TNFSF9: variants seen among roughly 807,000 people sequenced by gnomAD.
TNFSF9 encodes the protein tumor necrosis factor ligand superfamily member 9.
A neutral mutation model predicts 10.3 loss-of-function variants in TNFSF9; 10 were observed. The observed-to-expected ratio is 0.97, with a 90% CI of 0.60 to 1.65. The LOEUF (loss-of-function observed/expected upper bound fraction) is 1.65, where lower values mean the gene tolerates loss of function less well. TNFSF9 is among the 40% of genes most tolerant of loss of function. TNFSF9 has a pLI of 0.00. For synonymous variants in TNFSF9, 195 were observed against 176.1 expected, an observed-to-expected ratio of 1.11 and a Z score of -0.85; for missense variants, 361 against 348.9, an observed-to-expected ratio of 1.03 and a Z score of -0.28.
In TNFSF9 at chr19:6,531,258, C is replaced by T. The variant is rs779016405; in HGVS notation, c.222C>T (p.Pro74=). The part of the protein sequence containing the change: ...SAASPRLREG[P]ELSPDDPAGL... ...CCAGCCCGAGACTCCGCGAGGGTCC[C>T]GAGCTTTCGCCCGACGATCCCGCCG... Residue 74 remains proline, a synonymous_variant, in exon 1 of 3, where the codon CCC becomes CCT. Transcript: ENST00000245817. The T allele has an allele frequency of 1.3e-4, 198 of 1,516,656 alleles. No homozygotes were observed. The East Asian group carries it at 1.3e-3, about 10-fold the overall frequency. The allele number at this position is 1,516,656 out of a possible 1,614,324, so 93.9% of individuals were successfully genotyped here.
chr19:6,532,968 G>C lies in TNFSF9; in HGVS notation c.298+152G>C, dbSNP rs1316772260. 6 of 1,102,992 alleles carry C rather than the reference G, an allele frequency of 5.4e-6. No individual in the cohort carries two copies. In the Admixed American group the frequency reaches 9.9e-5, roughly 18 times the overall value. 68.3% of individuals were successfully genotyped at this position (1,102,992 alleles called of 1,614,324 possible). On this transcript the variant is annotated intron_variant, in intron 2 of 2. Transcript: ENST00000245817. ...CTGAAAGCTGCTACTTCCCCTCTTTGAACGCCACCGATCCCTCTTTCTGAC... is the reference window on the plus strand; with the variant it reads ...CTGAAAGCTGCTACTTCCCCTCTTTCAACGCCACCGATCCCTCTTTCTGAC...
chr19:6,534,905 C>G lies in TNFSF9; in HGVS notation c.604C>G (p.Arg202Gly). 6.2e-7 allele frequency: 1 copy of G among 1,608,350 alleles called. No homozygotes were observed. Among genetic ancestry groups the G allele is most frequent in the Non-Finnish European group, 8.5e-7 (1 of 1,179,210 alleles). ...GAACTCGGCCTTCGGTTTCCAGGGC[C>G]GCTTGCTGCACCTGAGTGCCGGCCA... The part of the protein sequence containing the change: ...ARNSAFGFQG[R>G]LLHLSAGQRL... Residue 202 changes from arginine (R) to glycine (G), a missense_variant, in exon 3 of 3, where the codon CGC becomes GGC. Coordinates refer to ENST00000245817, the MANE Select transcript of TNFSF9 (RefSeq NM_003811.4).
intron 1 of TNFSF9, 130 bp from the exon 2 acceptor site, chr19:6,532,656 G>C: frequency 1.6e-6 from 2 of 1,218,022 alleles, no homozygotes; most frequent in Non-Finnish European, 2.4e-6. Flanking sequence ...TCTTTAGTTG[G>C]GAGGGAAGGG....
intron 1 of TNFSF9, among the ~76,000 whole-genome samples, chr19:6,532,177 AC>A (rs1915159624): frequency 6.6e-6 from 1 of 151,912 alleles, no homozygotes; most frequent in Non-Finnish European, 1.5e-5. Context: ...CCAGGGGAAT[AC>A]CCCCAAGGGG....
rs879125171 is a variant in TNFSF9, at chr19:6,535,079, G to T, written c.*13G>T. 2.0e-6 allele frequency: 3 copies of T among 1,529,242 alleles called. No homozygotes were observed. In the South Asian group the frequency reaches 3.9e-5, roughly 20 times the overall value. 94.7% of individuals were successfully genotyped at this position (1,529,242 alleles called of 1,614,324 possible). ...GAGGTCGGAATAACGTCCAGCCTGG[G>T]TGCAGCCCACCTGGACAGAGTCCGA... On this transcript the variant is annotated 3_prime_UTR_variant, in exon 3 of 3. Coordinates refer to ENST00000245817, the MANE Select transcript of TNFSF9 (RefSeq NM_003811.4).
In TNFSF9 at chr19:6,531,453, C is replaced by T. The variant is rs866392883; in HGVS notation, c.267+150C>T. 77 of 1,182,334 alleles carry T rather than the reference C, an allele frequency of 6.5e-5. No homozygotes were observed. The African/African-American group carries it at 1.2e-3, about 19-fold the overall frequency. The allele number at this position is 1,182,334 out of a possible 1,614,324, so 73.2% of individuals were successfully genotyped here. A position where few individuals can be genotyped will look rare whatever the true frequency, so the allele number is the denominator to read the frequency against. The stretch of plus-strand genomic sequence containing the variant: ...ACCCACCGGGGCTCCCATTCTCCAT[C>T]TAGCACCGAGGCCGGGGGGGCACAC... On this transcript the variant is annotated intron_variant, in intron 1 of 2. Coordinates refer to ENST00000245817, the MANE Select transcript of TNFSF9 (RefSeq NM_003811.4).
At chr19:6,532,978 G>C (rs1175208106) in intron 2 of TNFSF9, among the ~76,000 whole-genome samples, 162 bp downstream of exon 2, 1 of 151,790 alleles carries the variant, frequency 6.6e-6, no homozygotes, top group Admixed American at 6.6e-5. Flanking sequence ...GAACGCCACC[G>C]ATCCCTCTTT....
rs745392821 is a variant in TNFSF9, at chr19:6,532,825, C to T, written c.298+9C>T. ...GCTGGTGGCCCAAAATGGTAAGTAT[C>T]CTCCGCCACTTCCGGTCCCTGGCCC... On this transcript the variant is annotated intron_variant, in intron 2 of 2. Transcript: ENST00000245817. 1.9e-6 allele frequency: 3 copies of T among 1,613,710 alleles called. No homozygotes were observed. The highest frequency in any genetic ancestry group is 1.7e-5 in the Admixed American group (1 of 59,978).
In TNFSF9 at chr19:6,532,702, C is replaced by G. The variant is rs879202158; in HGVS notation, c.268-84C>G. On this transcript the variant is annotated intron_variant, in intron 1 of 2. Transcript: ENST00000245817. ...TTCAGGTCGGCACAGACTCTGGGGA[C>G]CCTGACAGCTGAAGTGAGTGGGGAC... 21 of 1,601,324 alleles carry G rather than the reference C, an allele frequency of 1.3e-5. No individual in the cohort carries two copies. In the African/African-American group the frequency reaches 2.8e-4, roughly 21 times the overall value.
intron 2 of TNFSF9, 102 bp downstream of exon 2, chr19:6,532,918 C>T: frequency 2.0e-6 from 3 of 1,532,934 alleles, no homozygotes. Context: ...CGCACACTGG[C>T]TTTGACCCTT....
intron 1 of TNFSF9, among the ~76,000 whole-genome samples, chr19:6,531,578 T>C (rs1239488932): frequency 6.6e-6 from 1 of 151,084 alleles, no homozygotes; most frequent in African/African-American, 2.4e-5. Flanking sequence ...AGGGTCTCCT[T>C]CTTCTAGTCC....
intron 1 of TNFSF9, among the ~76,000 whole-genome samples, chr19:6,532,099 G>C (rs1915158315): frequency 6.6e-6 from 1 of 152,210 alleles, no homozygotes; most frequent in Non-Finnish European, 1.5e-5. Context: ...GAGACCCCCA[G>C]TTCCTTTGCT....
chr19:6,532,437 T>G (rs201838784), intron 1 of TNFSF9, among the ~76,000 whole-genome samples: 12 of 148,770 alleles, frequency 8.1e-5, no homozygotes, highest in Non-Finnish European at 1.0e-4. Flanking sequence ...GTGTGGGTGT[T>G]TGTGTTCATG....
intron 1 of TNFSF9, among the ~76,000 whole-genome samples, chr19:6,531,616 G>T (rs890761227): frequency 6.6e-5 from 10 of 151,142 alleles, no homozygotes; most frequent in Non-Finnish European, 1.5e-4. Flanking sequence ...TCCTGCGCCC[G>T]CTACGAGACC....
rs534274824 is a variant in TNFSF9 at position 6,535,272 on chromosome 19, AATATATTAT to A, written c.*222_*230del. On this transcript the variant is annotated 3_prime_UTR_variant, in exon 3 of 3. Transcript: ENST00000245817. ...ATTTATTCTGAGCCTGAGCTCAGAT[AATATATTAT>A]ATATATTATATATATATATATATTT... The A allele has an allele frequency of 2.2e-3, 473 of 216,286 alleles. 1 individual carries two copies. Among genetic ancestry groups the A allele is most frequent in the Non-Finnish European group, 3.3e-3 (375 of 112,950 alleles). 13.4% of individuals were successfully genotyped at this position (216,286 alleles called of 1,614,324 possible). A position where few individuals can be genotyped will look rare whatever the true frequency, so the allele number is the denominator to read the frequency against.
At chr19:6,533,215 C>T (rs973746952) in intron 2 of TNFSF9, among the ~76,000 whole-genome samples, 4 of 150,774 alleles carry the variant, frequency 2.7e-5, no homozygotes, top group African/African-American at 9.8e-5. Context: ...CTCTTCCCCT[C>T]GCCCAGAGCC....
At position 6,535,195 on chromosome 19, in the gene TNFSF9, C is replaced by T. The variant is rs1915242290; in HGVS notation, c.*129C>T. 4 of 1,053,174 alleles carry T rather than the reference C, an allele frequency of 3.8e-6. No homozygotes were observed. The Admixed American group carries it at 1.0e-4, about 26-fold the overall frequency. The allele number at this position is 1,053,174 out of a possible 1,614,324, so 65.2% of individuals were successfully genotyped here. ...GCTTGGCAGGGGTCCCTGCTGCTGA[C>T]CTCCCCTTGAGGACCCTCCTCACCC... is the stretch of plus-strand genomic sequence containing the variant. On this transcript the variant is annotated 3_prime_UTR_variant, in exon 3 of 3. Coordinates refer to ENST00000245817, the MANE Select transcript of TNFSF9 (RefSeq NM_003811.4).
At chr19:6,534,238 G>T (rs557026557) in intron 2 of TNFSF9, among the ~76,000 whole-genome samples, 1 of 145,364 alleles carries the variant, frequency 6.9e-6, no homozygotes, top group South Asian at 2.2e-4. Flanking sequence ...GTCTTTCCCC[G>T]CACCCGCATC....
chr19:6,531,318 G>A lies in TNFSF9; in HGVS notation c.267+15G>A. 6.8e-7 allele frequency: 1 copy of A among 1,464,868 alleles called. No homozygotes were observed. 90.7% of individuals were successfully genotyped at this position (1,464,868 alleles called of 1,614,324 possible). On this transcript the variant is annotated intron_variant, in intron 1 of 2. Transcript: ENST00000245817. The stretch of plus-strand genomic sequence containing the variant: ...ACCTGCGGCAGGTGAGACGTGCCCC[G>A]ACCCTCGGTAGCTGGTCTCGCGGGA...
Sources: allele counts gnomAD v4.1 joint callset (sites outside exome capture counted in the v4.1 genomes callset), GRCh38; gene constraint gnomAD v4.1.1; transcripts MANE v1.5; gene names NCBI Gene and HGNC (gene_info 2026-07-23, HGNC 2026-07-21).